DNAH5: variants seen among roughly 807,000 people sequenced by gnomAD.
The protein encoded by DNAH5 is dynein axonemal heavy chain 5.
In DNAH5, 372 loss-of-function variants were observed where a neutral mutation model predicts 518.2. The observed-to-expected ratio is 0.72, with a 90% CI of 0.66 to 0.78. The LOEUF (loss-of-function observed/expected upper bound fraction) is 0.78, where lower values mean the gene tolerates loss of function less well. DNAH5 is among the 30% of genes least tolerant of loss of function. The pLI is 0.00. For missense variants in DNAH5, 5,523 were observed against 5,687.0 expected, an observed-to-expected ratio of 0.97 and a Z score of 0.93; for synonymous variants, 2,039 against 2,025.9, an observed-to-expected ratio of 1.01 and a Z score of -0.17.
At chr5:13,873,790 G>A (rs1580696249) in intron 22 of DNAH5, among the ~76,000 whole-genome samples, 1 of 151,838 alleles carries the variant, frequency 6.6e-6, no homozygotes, top group East Asian at 1.9e-4. Flanking sequence ...CATGAGCCAC[G>A]GCGCCTAGCC....
chr5:13,740,133 A>G (rs1748228641), intron 65 of DNAH5, among the ~76,000 whole-genome samples: 1 of 152,014 alleles, frequency 6.6e-6, no homozygotes, highest in Admixed American at 6.6e-5. Context: ...AAATTCAACA[A>G]CAAATTCATT....
chr5:13,754,875 C>T (rs1351451576), intron 61 of DNAH5, among the ~76,000 whole-genome samples: 5 of 151,978 alleles, frequency 3.3e-5, no homozygotes, highest in Admixed American at 6.6e-5. Context: ...TCCGGTGGCT[C>T]ACACCTGTAA....
intron 35 of DNAH5, 53 bp downstream of exon 35, chr5:13,839,303 G>C: frequency 6.4e-7 from 1 of 1,565,384 alleles, no homozygotes; most frequent in East Asian, 2.2e-5. Flanking sequence ...AAAATCCCCT[G>C]AGCAACTCGA....
chr5:13,978,236 G>T (rs170952), intron 1 of DNAH5, among the ~76,000 whole-genome samples: 15 of 152,158 alleles, frequency 9.9e-5, no homozygotes, highest in African/African-American at 3.4e-4. Flanking sequence ...ACTCAGCCAG[G>T]CATGGTACCC....
intron 47 of DNAH5, among the ~76,000 whole-genome samples, chr5:13,802,005 A>G (rs1379062157): frequency 6.6e-6 from 1 of 152,200 alleles, no homozygotes; most frequent in African/African-American, 2.4e-5. Flanking sequence ...ACATTGTGAA[A>G]TATTGATTTA....
In DNAH5 at chr5:13,716,562, T is replaced by C; in HGVS notation, c.12834A>G (p.Gly4278=). 6.2e-7 allele frequency: 1 copy of C among 1,613,948 alleles called. No individual in the cohort carries two copies. The highest frequency in any genetic ancestry group is 8.5e-7 in the Non-Finnish European group (1 of 1,179,870). ...ATCCTTGGTAAAAACTGAAATCTGGTCCAAACATATTTTCACTGAACCAAA... is the reference window on the plus strand; with the variant it reads ...ATCCTTGGTAAAAACTGAAATCTGGCCCAAACATATTTTCACTGAACCAAA... The part of the protein sequence containing the change: ...AKVWFSENMF[G]PDFSFYQGYN... Residue 4278 remains glycine, a synonymous_variant, in exon 74 of 79, where the codon GGA becomes GGG. Coordinates refer to ENST00000265104, the MANE Select transcript of DNAH5 (RefSeq NM_001369.3).
intron 52 of DNAH5, 99 bp from the exon 53 acceptor site, chr5:13,781,058 GAAGATATAGGTGTCTC>G (rs1349652537): frequency 7.4e-7 from 1 of 1,349,320 alleles, no homozygotes; most frequent in Non-Finnish European, 1.0e-6. Flanking sequence ...TATTATTTTG[GAAGATATAGGTGTCTC>G]AAGATCAGAC....
At chr5:13,911,239 A>C in intron 12 of DNAH5, 147 bp downstream of exon 12, 1 of 687,000 alleles carries the variant, frequency 1.5e-6, no homozygotes, top group Middle Eastern at 2.4e-4. Context: ...ATTAATCTGA[A>C]ATCACGAAAC....
chr5:13,706,788 G>A (rs1334567933), intron 76 of DNAH5, among the ~76,000 whole-genome samples: 1 of 152,122 alleles, frequency 6.6e-6, no homozygotes, highest in Non-Finnish European at 1.5e-5. Flanking sequence ...AGTAACCAGT[G>A]AGCATGCTGT....
At chr5:13,851,403 G>A (rs1766815741) in intron 30 of DNAH5, among the ~76,000 whole-genome samples, 1 of 152,114 alleles carries the variant, frequency 6.6e-6, no homozygotes, top group Non-Finnish European at 1.5e-5. Context: ...GATTTCCTGG[G>A]CTCAAGTGAT....
At chr5:13,781,367 C>T (rs116278955) in intron 52 of DNAH5, among the ~76,000 whole-genome samples, 10 of 152,182 alleles carry the variant, frequency 6.6e-5, no homozygotes, top group South Asian at 4.2e-4. Context: ...TACAGGGCAT[C>T]GTCGTTGATG....
At chr5:13,936,881 G>A (rs1020649383) in intron 1 of DNAH5, among the ~76,000 whole-genome samples, 1 of 152,082 alleles carries the variant, frequency 6.6e-6, no homozygotes, top group Admixed American at 6.6e-5. Context: ...GGGGCTATTG[G>A]GTCTGAGAGT....
rs747514968 is a variant in DNAH5 at position 13,840,967 on chromosome 5, C to G, written c.5648G>C (p.Arg1883Pro). The change falls in exon 34 of 79, where the codon CGA (arginine) becomes CCA (proline). Residue 1883 changes from arginine to proline, a missense_variant. Arg to Pro is a moderately radical substitution (Grantham distance 103). Transcript: ENST00000265104. ...VTTRDLSSTE[R>P]VKYETLITIH... is the part of the protein sequence containing the mutation. ...AGTAATCAGAGTCTCGTATTTCACT[C>G]GTTCCGTGGAACTCAGATCCCTCGT... 2 of 1,614,136 alleles carry G rather than the reference C, an allele frequency of 1.2e-6. No individual in the cohort carries two copies. Among genetic ancestry groups the G allele is most frequent in the South Asian group, 1.1e-5 (1 of 91,074 alleles).
chr5:13,861,981 T>G, intron 29 of DNAH5, among the ~76,000 whole-genome samples: 1 of 136,778 alleles, frequency 7.3e-6, no homozygotes, highest in African/African-American at 2.6e-5. Flanking sequence ...AAAAAACAAG[T>G]TCAAATGTAC....
At position 13,824,280 on chromosome 5, in the gene DNAH5, T is replaced by C. The variant is rs764201218; in HGVS notation, c.6498A>G (p.Gly2166=). 1.1e-5 allele frequency: 18 copies of C among 1,613,932 alleles called. No homozygotes were observed. The highest frequency in any genetic ancestry group is 1.4e-5 in the Non-Finnish European group (16 of 1,179,982). The part of the protein sequence containing the change: ...RNILSVLRTL[G]AAKRANPMDT... ...CCATTGGATTGGCTCTTTTTGCTGCTCCCAAGGTCCGAAGAACTGACAGAA... is the reference window on the plus strand; with the variant it reads ...CCATTGGATTGGCTCTTTTTGCTGCCCCCAAGGTCCGAAGAACTGACAGAA... Residue 2166 remains glycine (G), a synonymous_variant, in exon 39 of 79, where the codon GGA becomes GGG. Coordinates refer to ENST00000265104, the MANE Select transcript of DNAH5 (RefSeq NM_001369.3).
chr5:13,714,282 T>G, intron 75 of DNAH5, 123 bp downstream of exon 75: 2 of 1,081,094 alleles, frequency 1.8e-6, no homozygotes, highest in Non-Finnish European at 2.7e-6. Context: ...AAGAAGCTGG[T>G]TTTTAAAAGA....
intron 1 of DNAH5, among the ~76,000 whole-genome samples, chr5:13,967,541 A>AT (rs1781606234): frequency 6.6e-6 from 1 of 152,084 alleles, no homozygotes; most frequent in South Asian, 2.1e-4. Context: ...CTATGTGCCT[A>AT]TTTTTACACC....
intron 52 of DNAH5, among the ~76,000 whole-genome samples, chr5:13,781,554 G>A (rs1024150374): frequency 1.4e-3 from 81 of 56,896 alleles, no homozygotes; most frequent in African/African-American, 2.2e-3. Flanking sequence ...TCAAGGTGGC[G>A]GCTTCCCCAC....
At position 13,870,882 on chromosome 5, in the gene DNAH5, T is replaced by A. The variant is rs1268963411; in HGVS notation, c.3719A>T (p.Asn1240Ile). The stretch of plus-strand genomic sequence containing the variant: ...CTTAATTGGACGATTTAGTTTCTTA[T>A]TGAATTCTTCAATAAGCATAAAAAT... The part of the protein sequence containing the change: ...ENIFMLIEEF[N>I]KKLNRPIKDL... The change falls in exon 24 of 79, where the codon AAT (asparagine) becomes ATT (isoleucine). Residue 1240 changes from asparagine to isoleucine, a missense_variant. By Grantham distance (149) the Asn-to-Ile change is moderately radical. Around this residue, in one of 3 missense-constraint regions of DNAH5, gnomAD observed 5,121 missense variants for 5,223.3 expected, o/e 0.98. Coordinates refer to ENST00000265104, the MANE Select transcript of DNAH5 (RefSeq NM_001369.3). The A allele has an allele frequency of 2.5e-6, 4 of 1,613,912 alleles. No homozygotes were observed. Among genetic ancestry groups the A allele is most frequent in the Non-Finnish European group, 2.5e-6 (3 of 1,179,862 alleles).
Sources: allele counts gnomAD v4.1 joint callset (sites outside exome capture counted in the v4.1 genomes callset), GRCh38; gene constraint gnomAD v4.1.1; regional missense constraint gnomAD v4.1.1; transcripts MANE v1.5; gene names NCBI Gene and HGNC (gene_info 2026-07-23, HGNC 2026-07-21).